MYH7B: variants seen among roughly 807,000 people sequenced by gnomAD.
MYH7B encodes myosin heavy chain 7B, also known as myosin-7B.
A neutral mutation model predicts 234.5 loss-of-function variants in MYH7B; 205 were observed. The observed-to-expected ratio is 0.87, with a 90% confidence interval of 0.78 to 0.98. MYH7B has a LOEUF of 0.98. Among genes scored for constraint, MYH7B ranks in the 50% least tolerant of loss-of-function variants. MYH7B has a pLI of 0.00. For synonymous variants in MYH7B, 1,193 were observed against 1,105.0 expected (o/e 1.08, Z -1.58); for missense variants, 2,652 against 2,633.4 (o/e 1.01, Z -0.15).
rs773290801 is a variant in MYH7B, at chr20:34,987,140, G to GC, written c.1009-3dup. On this transcript the variant is annotated splice_polypyrimidine_tract_variant and intron_variant, in intron 15 of 44. Coordinates refer to ENST00000262873, the Ensembl canonical transcript of MYH7B. ...CCTCTCTGAACTCGCTTTCCCTGCTGCCCCCCAGCATGCCATGGACATCCT... is the reference window on the plus strand; with the variant it reads ...CCTCTCTGAACTCGCTTTCCCTGCTGCCCCCCCAGCATGCCATGGACATCCT... The GC allele has an allele frequency of 1.2e-6, 2 of 1,613,146 alleles. No homozygotes were observed. Among genetic ancestry groups the GC allele is most frequent in the South Asian group, 1.1e-5 (1 of 91,052 alleles).
exon 17 of MYH7B, chr20:34,987,626 G>C: frequency 6.2e-7 from 1 of 1,614,092 alleles, no homozygotes; most frequent in Non-Finnish European, 8.5e-7. Flanking sequence ...TTGCACCCCC[G>C]GGTGCGTGTA....
At chr20:34,989,700 C>T (rs547142061) in intron 19 of MYH7B, 40 bp from the exon 20 acceptor site, 1 of 1,592,364 alleles carries the variant, frequency 6.3e-7, no homozygotes, top group African/African-American at 1.3e-5. Context: ...CCAGGATGGA[C>T]TGGCTTGATG....
Position 34,962,685 on chromosome 20 carries a change from T to C in MYH7B, c.-222+4473T>C, listed in dbSNP as rs181693814. ...CTCACTCTGTCAGGCTGGAGAGCAG[T>C]GGTGCGATCATAGCTCACTGCAGCC... is the stretch of plus-strand genomic sequence containing the variant. On this transcript the variant is annotated intron_variant, in intron 2 of 44. Coordinates refer to ENST00000262873, the Ensembl canonical transcript of MYH7B. 2.2e-3 allele frequency among the ~76,000 whole-genome samples: 335 copies of C among 152,318 alleles called. 8 individuals are homozygous for C. Among genetic ancestry groups the C allele is most frequent in the Admixed American group, 0.022 (334 of 15,290 alleles).
At chr20:34,998,307 A>C (rs771831627) in exon 33 of MYH7B, 23 of 1,613,832 alleles carry the variant, frequency 1.4e-5, no homozygotes, top group Non-Finnish European at 1.9e-5. Flanking sequence ...CAGTGCAGAG[A>C]AGCTGTGCCG....
chr20:34,993,417 G>A lies in MYH7B; in HGVS notation c.2391G>A (p.Ala797=), dbSNP rs771382251. 1.1e-5 allele frequency: 18 copies of A among 1,612,002 alleles called. No homozygotes were observed. In the East Asian group the frequency reaches 2.0e-4, roughly 18 times the overall value. ...CCAAGGTGCTGACGCTGCTGCAGGC[G>A]CGGAGCCGTGGCCGCCTCATGCGCC... is the stretch of plus-strand genomic sequence containing the variant. The change falls in exon 26 of 45, where the codon GCG becomes GCA. Residue 797 remains alanine, a synonymous_variant. Coordinates refer to ENST00000262873, the Ensembl canonical transcript of MYH7B.
At chr20:35,000,594 C>T (rs1368607210) in exon 39 of MYH7B, 2 of 1,568,912 alleles carry the variant, frequency 1.3e-6, no homozygotes, top group Non-Finnish European at 1.7e-6. Flanking sequence ...GCTGGAGGAG[C>T]TGCGGGCTGC....
rs1317052241 is a variant in MYH7B, at chr20:34,999,537, T to G, written c.4541-34T>G. 1.9e-6 allele frequency: 3 copies of G among 1,566,152 alleles called. No individual in the cohort carries two copies. The East Asian group carries it at 6.7e-5, about 35-fold the overall frequency. On this transcript the variant is annotated intron_variant, in intron 36 of 44. Transcript: ENST00000262873. ...GTGACCTGGGTGGGAGTACAAGCCA[T>G]GGGGGTGGCCTCTCAGCACCCTGTC...
chr20:34,960,922 A>C (rs537024173), intron 2 of MYH7B, among the ~76,000 whole-genome samples: 1 of 152,250 alleles, frequency 6.6e-6, no homozygotes, highest in Admixed American at 6.5e-5. Context: ...TTTTACCGAG[A>C]AGAAACAGAC....
chr20:34,984,600 G>C, intron 10 of MYH7B, 92 bp from the exon 11 acceptor site: 1 of 1,191,070 alleles, frequency 8.4e-7, no homozygotes, highest in Non-Finnish European at 1.2e-6. Context: ...CCCCTGTCCT[G>C]CTGCCCGCTG....
chr20:34,984,524 A>G (rs1184372172), intron 10 of MYH7B, among the ~76,000 whole-genome samples, 168 bp from the exon 11 acceptor site: 1 of 152,094 alleles, frequency 6.6e-6, no homozygotes, highest in African/African-American at 2.4e-5. Flanking sequence ...GCCTCCTAAC[A>G]GCTGCAGGAG....
At chr20:34,992,565 T>TG (rs1396770657) in intron 24 of MYH7B, among the ~76,000 whole-genome samples, 33 of 146,652 alleles carry the variant, frequency 2.3e-4, no homozygotes, top group African/African-American at 7.4e-4. Flanking sequence ...GGTTGTGTTT[T>TG]TTTTTTTTTT....
intron 3 of MYH7B, among the ~76,000 whole-genome samples, chr20:34,975,746 C>T (rs1489957727): frequency 1.3e-5 from 2 of 151,906 alleles, no homozygotes; most frequent in African/African-American, 2.4e-5. Context: ...GACGGAGTCT[C>T]GTACTGTCGC....
exon 29 of MYH7B, chr20:34,996,488 A>G (rs766281950): frequency 1.9e-5 from 31 of 1,612,152 alleles, no homozygotes; most frequent in Non-Finnish European, 1.7e-6. Flanking sequence ...GCGCTGACCA[A>G]GGCCAAGCTC....
chr20:34,978,066 A>G (rs1283575226), exon 5 of MYH7B: 1 of 1,614,034 alleles, frequency 6.2e-7, no homozygotes. Context: ...CTACCAGGAG[A>G]TGACGAAGGT....
At chr20:34,999,595 A>G in exon 37 of MYH7B, 2 of 1,612,552 alleles carry the variant, frequency 1.2e-6, no homozygotes, top group Non-Finnish European at 1.7e-6. Flanking sequence ...CTCACAGACC[A>G]GGTGAGTCTC....
chr20:34,987,392 G>A, intron 16 of MYH7B, 105 bp downstream of exon 16: 1 of 1,504,058 alleles, frequency 6.6e-7, no homozygotes. Context: ...AGTCTTACCT[G>A]GCCCTGCCTC....
chr20:34,982,556 G>GT lies in MYH7B; in HGVS notation c.624+2dup, dbSNP rs775283745. On this transcript the variant is annotated splice_donor_variant, in intron 10 of 44. Coordinates refer to ENST00000262873, the Ensembl canonical transcript of MYH7B. LOFTEE classifies it high-confidence loss of function. ...GGGAGACGGGCCGGGCAAGAAGGCC[G>GT]TAAGACTTGCCCACTCGGGCATGCT... 1.9e-5 allele frequency: 30 copies of GT among 1,594,202 alleles called. No homozygotes were observed. Among genetic ancestry groups the GT allele is most frequent in the Non-Finnish European group, 2.4e-5 (28 of 1,167,452 alleles).
At chr20:34,999,750 T>TGCCCC in intron 37 of MYH7B, 41 bp from the exon 38 acceptor site, 4 of 1,320,514 alleles carry the variant, frequency 3.0e-6, no homozygotes, top group South Asian at 1.4e-5. Flanking sequence ...CCACTGGCCA[T>TGCCCC]CCCCCCCCCC....
At chr20:34,980,703 G>C (rs375891946) in exon 8 of MYH7B, 46 of 1,614,074 alleles carry the variant, frequency 2.8e-5, no homozygotes, top group Admixed American at 2.7e-4. Flanking sequence ...TATATGCGGT[G>C]GCGGACAACG....
Sources: allele counts gnomAD v4.1 joint callset (sites outside exome capture counted in the v4.1 genomes callset), GRCh38; gene constraint gnomAD v4.1.1; transcripts MANE v1.5; gene names NCBI Gene and HGNC (gene_info 2026-07-23, HGNC 2026-07-21).